AFG2A: variants seen among roughly 807,000 people sequenced by gnomAD.
AFG2A encodes ATPase family gene 2 protein homolog A.
At chr4:122,938,201 A>C in the AFG2A span, 4 of 1,610,764 alleles carry the variant, frequency 2.5e-6, no homozygotes, top group Non-Finnish European at 3.4e-6. Context: ...ATGAAGTGGA[A>C]AAAAGAGTTG....
At chr4:123,118,331 TATA>T in the AFG2A span, among the ~76,000 whole-genome samples, 102 of 11,952 alleles carry the variant, frequency 8.5e-3, 1 homozygote, top group African/African-American at 0.014. Context: ...TTATATATAA[TATA>T]TATATTATAT....
At chr4:123,316,681 G>A in the AFG2A span, 3 of 152,162 alleles carry the variant, frequency 2.0e-5, no homozygotes, top group Admixed American at 6.5e-5. Flanking sequence ...TCTGGTGCAG[G>A]AGGCTGGGTG....
At chr4:122,942,394 C>A in the AFG2A span, among the ~76,000 whole-genome samples, 1 of 151,670 alleles carries the variant, frequency 6.6e-6, no homozygotes, top group Non-Finnish European at 1.5e-5. Context: ...GTATCCATTT[C>A]TTCTAGATTT....
At chr4:123,304,999 C>G in the AFG2A span, among the ~76,000 whole-genome samples, 1 of 152,162 alleles carries the variant, frequency 6.6e-6, no homozygotes, top group South Asian at 2.1e-4. Context: ...TGTAGTTTTC[C>G]TATGAACTTT....
the AFG2A span, among the ~76,000 whole-genome samples, chr4:122,945,563 C>G: frequency 2.0e-5 from 3 of 152,188 alleles, no homozygotes; most frequent in Admixed American, 6.5e-5. Context: ...TTTCCTTGAC[C>G]AGCAAAGGGA....
chr4:123,143,527 T>C, the AFG2A span, among the ~76,000 whole-genome samples: 2 of 152,078 alleles, frequency 1.3e-5, no homozygotes, highest in Non-Finnish European at 1.5e-5. Flanking sequence ...CACCTTCTTA[T>C]GAGCTTTTCC....
chr4:123,056,416 T>G, the AFG2A span: 1 of 1,612,806 alleles, frequency 6.2e-7, no homozygotes, highest in African/African-American at 1.3e-5. Context: ...AATATGTTGG[T>G]GAATCTGAAA....
At chr4:123,188,517 A>T in the AFG2A span, among the ~76,000 whole-genome samples, 1 of 152,234 alleles carries the variant, frequency 6.6e-6, no homozygotes, top group Non-Finnish European at 1.5e-5. Context: ...TTCGTCGATC[A>T]TAGAGCAATC....
At chr4:123,290,794 G>GT in the AFG2A span, among the ~76,000 whole-genome samples, 1 of 152,134 alleles carries the variant, frequency 6.6e-6, no homozygotes, top group Non-Finnish European at 1.5e-5. Context: ...CTCCCACCGG[G>GT]TTCCTCCCAC....
At chr4:123,311,504 G>A in the AFG2A span, among the ~76,000 whole-genome samples, 952 of 151,928 alleles carry the variant, frequency 6.3e-3, 16 homozygotes, top group East Asian at 0.044. Flanking sequence ...GCACGCGCCC[G>A]TAGTCCCAGC....
At chr4:123,093,383 A>G in the AFG2A span, among the ~76,000 whole-genome samples, 13,704 of 152,294 alleles carry the variant, frequency 0.09, 809 homozygotes, top group Middle Eastern at 0.2. Context: ...GGTCACTGCC[A>G]TGGAAACGGG....
chr4:123,089,972 G>A, the AFG2A span, among the ~76,000 whole-genome samples: 1 of 152,230 alleles, frequency 6.6e-6, no homozygotes, highest in Non-Finnish European at 1.5e-5. Flanking sequence ...AACTGGCTTT[G>A]TAATGGACTT....
the AFG2A span, among the ~76,000 whole-genome samples, chr4:123,026,650 T>TA: frequency 1.3e-5 from 2 of 152,204 alleles, no homozygotes; most frequent in Non-Finnish European, 2.9e-5. Flanking sequence ...ATATGAGTAA[T>TA]ATACTTTATG....
chr4:123,071,808 A>G, the AFG2A span, among the ~76,000 whole-genome samples: 1 of 152,212 alleles, frequency 6.6e-6, no homozygotes, highest in Non-Finnish European at 1.5e-5. Context: ...TTTATCATGT[A>G]GGTGATAAGC....
At chr4:123,311,317 T>C in the AFG2A span, among the ~76,000 whole-genome samples, 12 of 152,076 alleles carry the variant, frequency 7.9e-5, no homozygotes, top group African/African-American at 2.7e-4. Flanking sequence ...AACAACAACT[T>C]ATAGCTCATA....
At chr4:123,039,697 G>C in the AFG2A span, among the ~76,000 whole-genome samples, 1 of 150,440 alleles carries the variant, frequency 6.6e-6, no homozygotes, top group African/African-American at 2.5e-5. Context: ...TTGCAGTCTA[G>C]TACAAAGCAA....
At chr4:123,235,528 T>A in the AFG2A span, among the ~76,000 whole-genome samples, 1 of 152,204 alleles carries the variant, frequency 6.6e-6, no homozygotes, top group South Asian at 2.1e-4. Context: ...CAAACTTTCA[T>A]GACTCCAGAG....
the AFG2A span, among the ~76,000 whole-genome samples, chr4:123,278,516 G>A: frequency 4.3e-4 from 66 of 152,216 alleles, no homozygotes; most frequent in East Asian, 0.012. Flanking sequence ...GTTTGCTCTT[G>A]ATACTCTATT....
the AFG2A span, among the ~76,000 whole-genome samples, chr4:123,022,411 G>T: frequency 6.6e-6 from 1 of 152,010 alleles, no homozygotes; most frequent in Non-Finnish European, 1.5e-5. Context: ...AGACATTTAT[G>T]CAGCCAAAAG....
Sources: allele counts gnomAD v4.1 joint callset (sites outside exome capture counted in the v4.1 genomes callset), GRCh38; gene constraint gnomAD v4.1.1; transcripts MANE v1.5; gene names NCBI Gene and HGNC (gene_info 2026-07-23, HGNC 2026-07-21).